CPEB4: variants seen among roughly 807,000 people sequenced by gnomAD.
The protein encoded by CPEB4 is cytoplasmic polyadenylation element binding protein 4, also known as cytoplasmic polyadenylation element-binding protein 4.
CPEB4 carries 12 observed loss-of-function variants against 72.5 expected under a neutral mutation model. That is an observed-to-expected ratio of 0.17 (90% confidence interval 0.11 to 0.27). CPEB4 has a LOEUF of 0.27. Ranked by LOEUF, CPEB4 falls within the 10% of genes least tolerant of loss-of-function variation. CPEB4 has a pLI of 1.00. For missense variants in CPEB4, 614 were observed against 908.5 expected (o/e 0.68, Z 4.17); for synonymous variants, 302 against 326.3 (o/e 0.93, Z 0.80).
At chr5:173,927,460 A>C (rs972964288) in intron 2 of CPEB4, among the ~76,000 whole-genome samples, 1 of 152,168 alleles carries the variant, frequency 6.6e-6, no homozygotes, top group African/African-American at 2.4e-5. Context: ...TGTAGCTACA[A>C]ATAAAATTTG....
intron 2 of CPEB4, among the ~76,000 whole-genome samples, chr5:173,931,875 T>C (rs1757458002): frequency 6.6e-6 from 1 of 152,216 alleles, no homozygotes; most frequent in Non-Finnish European, 1.5e-5. Flanking sequence ...AAGTAGATTT[T>C]GACACACTTC....
chr5:173,943,982 G>A (rs1160849500), intron 4 of CPEB4, among the ~76,000 whole-genome samples: 4 of 152,130 alleles, frequency 2.6e-5, no homozygotes, highest in Admixed American at 2.6e-4. Flanking sequence ...GCTATTTGTA[G>A]CTCTGTGTTT....
In CPEB4 at chr5:173,960,302, T is replaced by C. The variant is rs1758507826; in HGVS notation, c.*4165T>C. ...TGAGATGTTGAATGAATAAAACTTT[T>C]AACTCAGATTTCTTTTAATATACTT... On this transcript the variant is annotated 3_prime_UTR_variant, in exon 10 of 10. Transcript: ENST00000265085. The C allele has an allele frequency of 6.6e-6, 1 of 152,660 alleles. No individual in the cohort carries two copies. The highest frequency in any genetic ancestry group is 6.5e-5 in the Admixed American group (1 of 15,282). 9.5% of individuals were successfully genotyped at this position (152,660 alleles called of 1,614,324 possible). A position where few individuals can be genotyped will look rare whatever the true frequency, so the allele number is the denominator to read the frequency against.
At position 173,949,266 on chromosome 5, in the gene CPEB4, G is replaced by C. The variant is rs545628025; in HGVS notation, c.1457-242G>C. On this transcript the variant is annotated intron_variant, in intron 5 of 9. Coordinates refer to ENST00000265085, the MANE Select transcript of CPEB4 (RefSeq NM_030627.4). ...TTCAGAAAAAGATGCTGGCTGGCTG[G>C]CTTGGTTGGATGGCTAGATTGATTT... 4.6e-4 allele frequency among the ~76,000 whole-genome samples: 70 copies of C among 152,252 alleles called. 1 individual carries two copies. Among genetic ancestry groups the C allele is most frequent in the African/African-American group, 1.7e-3 (69 of 41,544 alleles).
At chr5:173,910,762 A>G (rs1561612171) in intron 2 of CPEB4, 158 bp downstream of exon 2, 4 of 596,418 alleles carry the variant, frequency 6.7e-6, no homozygotes, top group African/African-American at 3.8e-5. Context: ...TAAAAAATCC[A>G]ACATACTTGA....
chr5:173,911,288 T>C (rs954152202), intron 2 of CPEB4, among the ~76,000 whole-genome samples: 3 of 151,840 alleles, frequency 2.0e-5, no homozygotes, highest in African/African-American at 7.2e-5. Context: ...TATTTTTTTT[T>C]GAGACGGAGT....
intron 2 of CPEB4, chr5:173,910,955 A>G (rs954298447): frequency 1.1e-5 from 2 of 187,610 alleles, no homozygotes; most frequent in African/African-American, 4.7e-5. Flanking sequence ...GACAGTGATT[A>G]TGTCCCAGGA....
chr5:173,896,083 A>G (rs1247178391), intron 1 of CPEB4, among the ~76,000 whole-genome samples: 1 of 152,208 alleles, frequency 6.6e-6, no homozygotes, highest in African/African-American at 2.4e-5. Context: ...TGAATTTGAC[A>G]GTTTCAGTTT....
At chr5:173,937,869 GA>G (rs2113255220) in intron 3 of CPEB4, among the ~76,000 whole-genome samples, 1 of 152,258 alleles carries the variant, frequency 6.6e-6, no homozygotes, top group East Asian at 1.9e-4. Context: ...AACATTCTTT[GA>G]ATGTTGTTGT....
At chr5:173,896,090 G>A (rs1312550467) in intron 1 of CPEB4, among the ~76,000 whole-genome samples, 1 of 152,172 alleles carries the variant, frequency 6.6e-6, no homozygotes, top group Non-Finnish European at 1.5e-5. Context: ...GACAGTTTCA[G>A]TTTATTTTCC....
At position 173,888,429 on chromosome 5, in the gene CPEB4, GGCAGCAGCGGCGACA is replaced by G; in HGVS notation, c.-1300_-1286del. The G allele has an allele frequency of 2.2e-6, 1 of 457,990 alleles. No individual in the cohort carries two copies. The highest frequency in any genetic ancestry group is 3.8e-6 in the Non-Finnish European group (1 of 265,228). 28.4% of individuals were successfully genotyped at this position (457,990 alleles called of 1,614,324 possible). ...GGGAGGCGGTGGCGGCGGCGGCGGC[GGCAGCAGCGGCGACA>G]GCAGAGGAGGAAGAGGAGGAAGAAG... On this transcript the variant is annotated 5_prime_UTR_variant, in exon 1 of 10. Coordinates refer to ENST00000265085, the MANE Select transcript of CPEB4 (RefSeq NM_030627.4). This position sits in a 1 kb window ranked among gnomAD's most constrained non-coding sequence, Gnocchi z 4.3.
chr5:173,927,298 T>C (rs997351819), intron 2 of CPEB4, among the ~76,000 whole-genome samples: 1 of 152,232 alleles, frequency 6.6e-6, no homozygotes, highest in African/African-American at 2.4e-5. Flanking sequence ...TTCAGTGGAA[T>C]GAACTCATCA....
chr5:173,928,258 C>A (rs981106056), intron 2 of CPEB4, among the ~76,000 whole-genome samples: 1 of 152,078 alleles, frequency 6.6e-6, no homozygotes, highest in African/African-American at 2.4e-5. Flanking sequence ...AGAATGAATA[C>A]CAAGAGTGAA....
chr5:173,917,628 A>C (rs1756919082), intron 2 of CPEB4, among the ~76,000 whole-genome samples: 1 of 152,238 alleles, frequency 6.6e-6, no homozygotes, highest in Non-Finnish European at 1.5e-5. Flanking sequence ...TGGGAGGCTG[A>C]GGCAGGAGAA....
In CPEB4 at chr5:173,956,183, C is replaced by T. The variant is rs760785815; in HGVS notation, c.*46C>T. On this transcript the variant is annotated 3_prime_UTR_variant, in exon 10 of 10. Coordinates refer to ENST00000265085, the MANE Select transcript of CPEB4 (RefSeq NM_030627.4). Reference sequence around the variant, plus strand: ...TTTCAGGCCTCAGAATAAGTGCACTCTTCTGTTCATTCTGACCCCTTCCTC... The same window carrying T: ...TTTCAGGCCTCAGAATAAGTGCACTTTTCTGTTCATTCTGACCCCTTCCTC... 1.4e-6 allele frequency: 2 copies of T among 1,478,704 alleles called. No homozygotes were observed. Among genetic ancestry groups the T allele is most frequent in the East Asian group, 4.5e-5 (2 of 44,242 alleles). 91.6% of individuals were successfully genotyped at this position (1,478,704 alleles called of 1,614,324 possible). A position where few individuals can be genotyped will look rare whatever the true frequency, so the allele number is the denominator to read the frequency against.
intron 5 of CPEB4, among the ~76,000 whole-genome samples, chr5:173,947,131 T>C (rs962320083): frequency 2.6e-5 from 4 of 151,846 alleles, no homozygotes; most frequent in Non-Finnish European, 5.9e-5. Flanking sequence ...CCCTGCCCTA[T>C]TATCAGGTCT....
chr5:173,903,855 CCT>C (rs1182326279), intron 1 of CPEB4, among the ~76,000 whole-genome samples: 4 of 149,610 alleles, frequency 2.7e-5, no homozygotes, highest in African/African-American at 9.7e-5. Context: ...AAACAAGGGT[CCT>C]CTCTGAAACA....
intron 2 of CPEB4, among the ~76,000 whole-genome samples, chr5:173,919,612 T>C (rs1359239365): frequency 6.6e-6 from 1 of 152,184 alleles, no homozygotes; most frequent in Non-Finnish European, 1.5e-5. Flanking sequence ...AAAAAGCCCT[T>C]TGTTGTCTAT....
At chr5:173,936,433 CT>C (rs1757623882) in intron 3 of CPEB4, among the ~76,000 whole-genome samples, 1 of 152,162 alleles carries the variant, frequency 6.6e-6, no homozygotes, top group Non-Finnish European at 1.5e-5. Context: ...TTTAAAGACC[CT>C]GTCTCCAAAT....
Sources: allele counts gnomAD v4.1 joint callset (sites outside exome capture counted in the v4.1 genomes callset), GRCh38; gene constraint gnomAD v4.1.1; non-coding constraint Gnocchi (gnomAD v3.1); transcripts MANE v1.5; gene names NCBI Gene and HGNC (gene_info 2026-07-23, HGNC 2026-07-21).